The following SLC6A17 variants were observed in gnomAD, a reference collection of about 807,000 sequenced individuals.
The protein encoded by SLC6A17 is solute carrier family 6 member 17.
Under a neutral mutation model 64.5 loss-of-function variants are expected in SLC6A17, and 21 were observed. The ratio of observed to expected loss-of-function variants is 0.33; its 90% CI spans 0.23 to 0.47. The LOEUF is 0.47. Ranked by LOEUF, SLC6A17 falls within the 20% of genes least tolerant of loss-of-function variation. SLC6A17 has a pLI of 1.00. For synonymous variants in SLC6A17, 372 were observed against 399.5 expected (o/e 0.93, Z 0.82); for missense variants, 682 against 963.2 (o/e 0.71, Z 3.86).
chr1:110,157,398 C>T (rs1655786376), intron 1 of SLC6A17, among the ~76,000 whole-genome samples: 2 of 152,026 alleles, frequency 1.3e-5, no homozygotes, highest in African/African-American at 4.8e-5. Context: ...CATGGTGAAA[C>T]CCTGTCTCTA....
At chr1:110,156,991 G>A (rs1403193022) in intron 1 of SLC6A17, among the ~76,000 whole-genome samples, 1 of 152,196 alleles carries the variant, frequency 6.6e-6, no homozygotes, top group African/African-American at 2.4e-5. Context: ...TGTCCCCATG[G>A]TGGTCCCCCC....
At chr1:110,171,698 G>A (rs1421416148) in intron 2 of SLC6A17, among the ~76,000 whole-genome samples, 1 of 152,106 alleles carries the variant, frequency 6.6e-6, no homozygotes, top group African/African-American at 2.4e-5. Flanking sequence ...GGTGTGAACA[G>A]CTGTCCACGG....
intron 1 of SLC6A17, among the ~76,000 whole-genome samples, chr1:110,151,457 C>T (rs889552993): frequency 2.6e-5 from 4 of 152,228 alleles, no homozygotes; most frequent in African/African-American, 9.6e-5. Context: ...CCCTTCCTCC[C>T]TCGTGGGAAG....
chr1:110,171,619 G>A (rs1259664477), intron 2 of SLC6A17, among the ~76,000 whole-genome samples: 6 of 152,078 alleles, frequency 3.9e-5, no homozygotes, highest in East Asian at 1.9e-4. Flanking sequence ...GGCTGCACCC[G>A]GTGTCTGTGC....
At chr1:110,185,379 C>T (rs1006342127) in intron 6 of SLC6A17, among the ~76,000 whole-genome samples, 4 of 152,192 alleles carry the variant, frequency 2.6e-5, no homozygotes, top group African/African-American at 9.7e-5. Context: ...GCTTCGTGGC[C>T]CCGGCTGGCT....
rs755927851 is a variant in SLC6A17, at chr1:110,174,860, C to T, written c.653C>T (p.Ser218Leu). Residue 218 changes from serine to leucine, a missense_variant, in exon 5 of 12, where the codon TCG becomes TTG. Transcript: ENST00000331565. ...GCCTTGGACATCTCTGACTCCATCT[C>T]GGAGAGTGGGGGCCTCAACTGGAAG... Reference protein sequence around the residue: ...REALDISDSISESGGLNWKMT... With the variant: ...REALDISDSILESGGLNWKMT... 1.1e-5 allele frequency: 17 copies of T among 1,614,054 alleles called. No individual in the cohort carries two copies. Among genetic ancestry groups the T allele is most frequent in the African/African-American group, 9.3e-5 (7 of 74,926 alleles).
Position 110,165,760 on chromosome 1 carries a change from C to CAG in SLC6A17, c.-87-1083_-87-1082insAG, listed in dbSNP as rs146390322. 8.9e-3 allele frequency among the ~76,000 whole-genome samples: 1,361 copies of CAG among 152,326 alleles called. 22 individuals are homozygous for CAG. Among genetic ancestry groups the CAG allele is most frequent in the African/African-American group, 0.03 (1,260 of 41,574 alleles). ...GGCACGTACCTACGAGGAGAACAAA[C>CAG]GGAGCCCAGCTTCCAGAGACAGCTC... On this transcript the variant is annotated intron_variant, in intron 1 of 11. Transcript: ENST00000331565.
intron 8 of SLC6A17, among the ~76,000 whole-genome samples, chr1:110,193,011 TATACTC>T (rs1337518787): frequency 6.6e-6 from 1 of 152,176 alleles, no homozygotes; most frequent in African/African-American, 2.4e-5. Context: ...CCACAGGTAA[TATACTC>T]AGAACAGTGC....
At chr1:110,183,440 G>A (rs1403049751) in intron 6 of SLC6A17, among the ~76,000 whole-genome samples, 1 of 152,180 alleles carries the variant, frequency 6.6e-6, no homozygotes, top group Non-Finnish European at 1.5e-5. Context: ...AAAGAAGGTG[G>A]ATTAGTGGTT....
chr1:110,152,745 C>T lies in SLC6A17; in HGVS notation c.-88+1862C>T, dbSNP rs58477023. Among the ~76,000 whole-genome samples, 1,272 of 152,294 alleles carry T rather than the reference C, an allele frequency of 8.4e-3. 25 individuals are homozygous for T. Among genetic ancestry groups the T allele is most frequent in the African/African-American group, 0.029 (1,209 of 41,558 alleles). ...CACCTCGGGAGTCTCAGAGTTTCCTCAGTTGTAAAACAGGGATGCCTATGA... is the reference window on the plus strand; with the variant it reads ...CACCTCGGGAGTCTCAGAGTTTCCTTAGTTGTAAAACAGGGATGCCTATGA... On this transcript the variant is annotated intron_variant, in intron 1 of 11. Coordinates refer to ENST00000331565, the MANE Select transcript of SLC6A17 (RefSeq NM_001010898.4).
At position 110,198,085 on chromosome 1, in the gene SLC6A17, C is replaced by T. The variant is rs770384859; in HGVS notation, c.1825C>T (p.Arg609Cys). 15 of 1,611,412 alleles carry T rather than the reference C, an allele frequency of 9.3e-6. No homozygotes were observed. Among genetic ancestry groups the T allele is most frequent in the East Asian group, 4.5e-5 (2 of 44,824 alleles). Residue 609 changes from arginine (R) to cysteine (C), a missense_variant, in exon 12 of 12, where the codon CGC (arginine) becomes TGC (cysteine). Physicochemically the swap from Arg to Cys is radical, Grantham distance 180. Coordinates refer to ENST00000331565, the MANE Select transcript of SLC6A17 (RefSeq NM_001010898.4). ...GGCAGCCCACCCGCAGGCTGCCGAGCGCTACCTGTATTTCCCCAACTGGGC... is the reference window on the plus strand; with the variant it reads ...GGCAGCCCACCCGCAGGCTGCCGAGTGCTACCTGTATTTCCCCAACTGGGC... ...SAWIKEEAAE[R>C]YLYFPNWAMA...
chr1:110,165,770 C>A (rs1656033976), intron 1 of SLC6A17, among the ~76,000 whole-genome samples: 1 of 152,112 alleles, frequency 6.6e-6, no homozygotes, highest in African/African-American at 2.4e-5. Context: ...CGGAGCCCAG[C>A]TTCCAGAGAC....
intron 1 of SLC6A17, among the ~76,000 whole-genome samples, chr1:110,160,422 G>T (rs997330394): frequency 2.0e-5 from 3 of 152,216 alleles, no homozygotes; most frequent in African/African-American, 4.8e-5. Context: ...ACCATGTTCT[G>T]CCCACAGAAA....
intron 6 of SLC6A17, among the ~76,000 whole-genome samples, chr1:110,179,661 C>T (rs1291380508): frequency 2.6e-5 from 4 of 152,086 alleles, no homozygotes; most frequent in Non-Finnish European, 5.9e-5. Flanking sequence ...TCAAGCTATT[C>T]TCCTGCCTCA....
rs779174882 is a variant in SLC6A17, at chr1:110,167,049, G to C, written c.120G>C (p.Val40=). 1 of 1,611,858 alleles carries C rather than the reference G, an allele frequency of 6.2e-7. No individual in the cohort carries two copies. Among genetic ancestry groups the C allele is most frequent in the South Asian group, 1.1e-5 (1 of 90,766 alleles). Residue 40 remains valine, a synonymous_variant, in exon 2 of 12, where the codon GTG becomes GTC. Transcript: ENST00000331565. ...PVDYKQSVLN[V]AGEAGGKQKA... ...ACTATAAGCAGAGTGTACTGAATGT[G>C]GCTGGTGAGGCAGGCGGCAAGCAGA...
rs1655574745 is a variant in SLC6A17 at position 110,150,762 on chromosome 1, C to T, written c.-209C>T. ...GCGCCGGCGCGCAGCTCCGGGTCGC[C>T]CCAGCCCCAGCCGGGGGCCTGTGGC... On this transcript the variant is annotated 5_prime_UTR_variant, in exon 1 of 12. Transcript: ENST00000331565. The T allele has an allele frequency of 6.6e-6, 1 of 152,200 alleles. No individual in the cohort carries two copies. Among genetic ancestry groups the T allele is most frequent in the Non-Finnish European group, 1.5e-5 (1 of 68,060 alleles). 9.4% of individuals were successfully genotyped at this position (152,200 alleles called of 1,614,324 possible). A position where few individuals can be genotyped will look rare whatever the true frequency, so the allele number is the denominator to read the frequency against.
intron 6 of SLC6A17, among the ~76,000 whole-genome samples, chr1:110,186,165 T>C (rs1229676850): frequency 6.6e-6 from 1 of 152,198 alleles, no homozygotes; most frequent in Non-Finnish European, 1.5e-5. Context: ...TCCAAAGTTG[T>C]TGAATATTCC....
intron 10 of SLC6A17, among the ~76,000 whole-genome samples, 177 bp from the exon 11 acceptor site, chr1:110,197,260 G>A (rs1222094669): frequency 3.9e-5 from 6 of 152,204 alleles, no homozygotes; most frequent in Non-Finnish European, 8.8e-5. Flanking sequence ...GAGGAGGACA[G>A]TAGAGCCTTC....
chr1:110,176,577 G>A, intron 5 of SLC6A17, 52 bp from the exon 6 acceptor site: 1 of 1,541,132 alleles, frequency 6.5e-7, no homozygotes, highest in East Asian at 2.2e-5. Flanking sequence ...GATGGGGGGT[G>A]CCAGCTGCAG....
Sources: allele counts gnomAD v4.1 joint callset (sites outside exome capture counted in the v4.1 genomes callset), GRCh38; gene constraint gnomAD v4.1.1; transcripts MANE v1.5; gene names NCBI Gene and HGNC (gene_info 2026-07-23, HGNC 2026-07-21).